The following PARP8 variants were observed in gnomAD, a reference collection of about 807,000 sequenced individuals.
PARP8 encodes the protein protein mono-ADP-ribosyltransferase PARP8.
A neutral mutation model predicts 124.1 loss-of-function variants in PARP8; 51 were observed. The ratio of observed to expected loss-of-function variants is 0.41; its 90% CI spans 0.33 to 0.52. PARP8 has a LOEUF of 0.52. Ranked by LOEUF, PARP8 falls within the 20% of genes least tolerant of loss-of-function variation. PARP8 has a pLI of 0.21. For synonymous variants in PARP8, 391 were observed against 361.5 expected (o/e 1.08, Z -0.93); for missense variants, 860 against 1,018.9 (o/e 0.84, Z 2.12).
At chr5:50,828,188 A>G in intron 20 of PARP8, 124 bp from the exon 21 acceptor site, 1 of 1,138,058 alleles carries the variant, frequency 8.8e-7, no homozygotes, top group Non-Finnish European at 1.3e-6. Context: ...CATGTAGTCA[A>G]CTACATAATA....
chr5:50,750,231 C>A lies in PARP8; in HGVS notation c.184+43C>A, dbSNP rs755321090. ...TATTACAGATATTCGTATCAGGGTTCCTTTGAATATTTTTTTCTTCTGGAG... is the reference window on the plus strand; with the variant it reads ...TATTACAGATATTCGTATCAGGGTTACTTTGAATATTTTTTTCTTCTGGAG... On this transcript the variant is annotated intron_variant, in intron 3 of 25. Coordinates refer to ENST00000281631, the MANE Select transcript of PARP8 (RefSeq NM_024615.4). 6.8e-6 allele frequency: 10 copies of A among 1,479,540 alleles called. No homozygotes were observed. In the East Asian group the frequency reaches 6.8e-5, roughly 10 times the overall value. The allele number at this position is 1,479,540 out of a possible 1,614,324, so 91.7% of individuals were successfully genotyped here.
At chr5:50,689,795 T>G (rs957169567) in intron 2 of PARP8, among the ~76,000 whole-genome samples, 10 of 152,168 alleles carry the variant, frequency 6.6e-5, no homozygotes, top group African/African-American at 2.4e-4. Flanking sequence ...AATCCACAGA[T>G]CTAGGTAACT....
chr5:50,829,811 C>A, intron 21 of PARP8, 81 bp from the exon 22 acceptor site: 1 of 1,346,110 alleles, frequency 7.4e-7, no homozygotes, highest in Non-Finnish European at 1.0e-6. Context: ...AATGTTCTGA[C>A]ATGAAACTGA....
intron 9 of PARP8, among the ~76,000 whole-genome samples, chr5:50,783,409 A>G (rs1189920318): frequency 2.0e-5 from 3 of 152,180 alleles, no homozygotes; most frequent in African/African-American, 7.2e-5. Context: ...GCCTATGTGT[A>G]TATCCTTGTC....
rs1746417295 is a variant in PARP8, at chr5:50,826,897, C to T, written c.1977+94C>T. The T allele has an allele frequency of 3.3e-6, 5 of 1,492,602 alleles. No individual in the cohort carries two copies. In the African/African-American group the frequency reaches 5.9e-5, roughly 17 times the overall value. The allele number at this position is 1,492,602 out of a possible 1,614,324, so 92.5% of individuals were successfully genotyped here. On this transcript the variant is annotated intron_variant, in intron 19 of 25. Coordinates refer to ENST00000281631, the MANE Select transcript of PARP8 (RefSeq NM_024615.4). The stretch of plus-strand genomic sequence containing the variant: ...CTACCTTGTAATTTTTAGCCAGACT[C>T]TCCAAGAATTGAAGTAAACCCAGGT...
chr5:50,756,978 C>T, intron 3 of PARP8: 1 of 321,898 alleles, frequency 3.1e-6, no homozygotes, highest in Non-Finnish European at 6.3e-6. Flanking sequence ...CCATGTTCAT[C>T]CATGTTGTTG....
rs139107469 is a variant in PARP8, at chr5:50,741,933, C to G, written c.147-8218C>G. The G allele has an allele frequency of 8.7e-4, 359 of 414,160 alleles. 3 individuals carry two copies. Among genetic ancestry groups the G allele is most frequent in the African/African-American group, 7.0e-3 (328 of 46,796 alleles). The allele number at this position is 414,160 out of a possible 1,614,324, so 25.7% of individuals were successfully genotyped here. A position where few individuals can be genotyped will look rare whatever the true frequency, so the allele number is the denominator to read the frequency against. On this transcript the variant is annotated intron_variant, in intron 2 of 25. Coordinates refer to ENST00000281631, the MANE Select transcript of PARP8 (RefSeq NM_024615.4). ...CAAGTGATTCTCCTGCCTCAGCCTT[C>G]TACTAGCTGGCATTACAGGTGCACA... is the stretch of plus-strand genomic sequence containing the variant.
chr5:50,688,893 T>A (rs556242074), intron 2 of PARP8, among the ~76,000 whole-genome samples: 2 of 152,290 alleles, frequency 1.3e-5, no homozygotes, highest in East Asian at 3.9e-4. Context: ...TAGCCCAAGC[T>A]ACTCAGACAA....
At chr5:50,820,885 C>G (rs189283358) in intron 15 of PARP8, among the ~76,000 whole-genome samples, 1 of 152,304 alleles carries the variant, frequency 6.6e-6, no homozygotes, top group East Asian at 1.9e-4. Flanking sequence ...TGTATCTTCT[C>G]CCCTAGACTA....
At chr5:50,750,672 G>A (rs1759141999) in intron 3 of PARP8, among the ~76,000 whole-genome samples, 1 of 151,930 alleles carries the variant, frequency 6.6e-6, no homozygotes, top group South Asian at 2.1e-4. Context: ...TATTTTCTGC[G>A]GCAGTTTGCA....
At chr5:50,744,539 T>C (rs1758350415) in intron 2 of PARP8, among the ~76,000 whole-genome samples, 1 of 152,180 alleles carries the variant, frequency 6.6e-6, no homozygotes, top group African/African-American at 2.4e-5. Context: ...TGTTAGAAAA[T>C]TATTGAGGTG....
At chr5:50,798,753 T>C (rs1742853583) in intron 14 of PARP8, among the ~76,000 whole-genome samples, 2 of 152,152 alleles carry the variant, frequency 1.3e-5, no homozygotes, top group Non-Finnish European at 2.9e-5. Context: ...AGCAGTTTCT[T>C]ATTGTGGTTT....
intron 2 of PARP8, among the ~76,000 whole-genome samples, chr5:50,670,541 T>C (rs1214221711): frequency 6.6e-6 from 1 of 152,252 alleles, no homozygotes; most frequent in East Asian, 1.9e-4. Flanking sequence ...CAAGAGGCGA[T>C]TGTGTCCATG....
chr5:50,768,023 G>C (rs1340833177), intron 7 of PARP8, among the ~76,000 whole-genome samples: 2 of 152,110 alleles, frequency 1.3e-5, no homozygotes, highest in Admixed American at 1.3e-4. Context: ...GTGTGTGTGT[G>C]TGTGTGTGTG....
At chr5:50,709,130 C>A (rs1436186361) in intron 2 of PARP8, among the ~76,000 whole-genome samples, 1 of 151,796 alleles carries the variant, frequency 6.6e-6, no homozygotes, top group Admixed American at 6.6e-5. Context: ...ATTCTCTTAC[C>A]TCCTTCTACT....
intron 2 of PARP8, chr5:50,669,469 A>C (rs1222067448): frequency 1.3e-5 from 2 of 152,348 alleles, no homozygotes; most frequent in Non-Finnish European, 2.9e-5. Context: ...TTCTGGTGAG[A>C]CATGTGGACA....
intron 19 of PARP8, 46 bp from the exon 20 acceptor site, chr5:50,827,898 A>T: frequency 7.5e-7 from 1 of 1,337,068 alleles, no homozygotes; most frequent in Non-Finnish European, 1.1e-6. Context: ...GCCTGAATAT[A>T]TGTTAAGTTT....
At chr5:50,781,694 G>A (rs1354322792) in intron 9 of PARP8, among the ~76,000 whole-genome samples, 13 of 152,066 alleles carry the variant, frequency 8.5e-5, no homozygotes, top group African/African-American at 2.7e-4. Flanking sequence ...CTTTTTCCTG[G>A]GGAGTGCAGA....
At chr5:50,828,539 C>T (rs1252460120) in intron 21 of PARP8, among the ~76,000 whole-genome samples, 155 bp downstream of exon 21, 1 of 151,938 alleles carries the variant, frequency 6.6e-6, no homozygotes, top group East Asian at 1.9e-4. Context: ...TGAAGCAGAA[C>T]TGATCTATAC....
Sources: allele counts gnomAD v4.1 joint callset (sites outside exome capture counted in the v4.1 genomes callset), GRCh38; gene constraint gnomAD v4.1.1; transcripts MANE v1.5; gene names NCBI Gene and HGNC (gene_info 2026-07-23, HGNC 2026-07-21).